Variants in ATF7IP2 observed in about 807,000 individuals in gnomAD.
ATF7IP2 encodes the protein activating transcription factor 7-interacting protein 2.
ATF7IP2 carries 42 observed loss-of-function variants against 64.2 expected under a neutral mutation model. The observed-to-expected ratio is 0.65, with a 90% CI of 0.51 to 0.85. The LOEUF is 0.85. Among genes scored for constraint, ATF7IP2 ranks in the 40% least tolerant of loss-of-function variants. The probability of loss-of-function intolerance (pLI) is 0.00; values close to 1 mark genes in which losing one functional copy is unlikely to be tolerated. For missense variants in ATF7IP2, 933 were observed against 784.2 expected, an observed-to-expected ratio of 1.19 and a Z score of -2.27; for synonymous variants, 308 against 272.8, an observed-to-expected ratio of 1.13 and a Z score of -1.27.
intron 1 of ATF7IP2, among the ~76,000 whole-genome samples, chr16:10,391,062 A>T (rs1441096525): frequency 6.6e-6 from 1 of 151,728 alleles, no homozygotes; most frequent in African/African-American, 2.4e-5. Context: ...GGAGAATGAG[A>T]TGGGAGAATT....
At chr16:10,414,319 AG>A (rs2047827060) in intron 1 of ATF7IP2, among the ~76,000 whole-genome samples, 1 of 151,800 alleles carries the variant, frequency 6.6e-6, no homozygotes, top group Non-Finnish European at 1.5e-5. Context: ...TTAATTAAAA[AG>A]CCTTGTCAAG....
intron 8 of ATF7IP2, among the ~76,000 whole-genome samples, chr16:10,456,069 T>C (rs2049155821): frequency 6.6e-6 from 1 of 152,116 alleles, no homozygotes; most frequent in Non-Finnish European, 1.5e-5. Flanking sequence ...AACATCCGCC[T>C]CCTGGGTTCA....
At chr16:10,420,976 G>C (rs1206323838) in intron 3 of ATF7IP2, among the ~76,000 whole-genome samples, 1 of 152,176 alleles carries the variant, frequency 6.6e-6, no homozygotes. Context: ...AATCCAATTA[G>C]TTAATTTCAA....
At chr16:10,387,773 T>TA (rs1177847537) in intron 1 of ATF7IP2, 1 of 151,924 alleles carries the variant, frequency 6.6e-6, no homozygotes, top group Non-Finnish European at 1.5e-5. Context: ...AGCGAGATGA[T>TA]ACAAAATACC....
At chr16:10,403,684 A>C (rs1376013889) in intron 1 of ATF7IP2, among the ~76,000 whole-genome samples, 1 of 152,236 alleles carries the variant, frequency 6.6e-6, no homozygotes, top group Admixed American at 6.5e-5. Flanking sequence ...ATGCAAGGGA[A>C]ATCTGAAAAC....
intron 1 of ATF7IP2, among the ~76,000 whole-genome samples, chr16:10,400,245 T>A (rs552590007): frequency 1.3e-5 from 2 of 152,294 alleles, no homozygotes; most frequent in African/African-American, 4.8e-5. Flanking sequence ...TTCACCATGT[T>A]GGTCAGGCTG....
chr16:10,415,350 C>G (rs2047850219), intron 2 of ATF7IP2, among the ~76,000 whole-genome samples: 1 of 152,156 alleles, frequency 6.6e-6, no homozygotes, highest in Non-Finnish European at 1.5e-5. Flanking sequence ...TCATGTTTGA[C>G]AAAGATGTCA....
chr16:10,433,696 A>T, intron 6 of ATF7IP2, 47 bp downstream of exon 6: 1 of 1,594,828 alleles, frequency 6.3e-7, no homozygotes, highest in Non-Finnish European at 8.6e-7. Context: ...GATTAGTAAA[A>T]CATGGTAAAA....
At chr16:10,423,156 A>AT (rs1273722549) in intron 3 of ATF7IP2, among the ~76,000 whole-genome samples, 10 of 152,224 alleles carry the variant, frequency 6.6e-5, no homozygotes, top group Non-Finnish European at 1.5e-5. Context: ...AGGCAGGAGA[A>AT]TGGCGTGAGC....
Position 10,464,638 on chromosome 16 carries a change from C to G in ATF7IP2, c.1352+7109C>G, listed in dbSNP as rs376968576. On this transcript the variant is annotated intron_variant, in intron 9 of 13. Coordinates refer to ENST00000562102, the MANE Select transcript of ATF7IP2 (RefSeq NM_001393719.1). ...GGGTCTAAGGCACCCAAGAGTAGAC[C>G]ATTTCACCAATACTGATTGAATAAA... is the stretch of plus-strand genomic sequence containing the variant. Among the ~76,000 whole-genome samples the G allele has an allele frequency of 2.0e-5, 3 of 152,128 alleles. No individual in the cohort carries two copies. In the East Asian group the frequency reaches 5.8e-4, roughly 29 times the overall value.
intron 9 of ATF7IP2, among the ~76,000 whole-genome samples, chr16:10,464,824 CTGT>C (rs1567168904): frequency 1.3e-5 from 2 of 152,114 alleles, no homozygotes; most frequent in African/African-American, 4.8e-5. Context: ...TTTGTTGCTG[CTGT>C]TGTTGATGTT....
intron 2 of ATF7IP2, among the ~76,000 whole-genome samples, chr16:10,416,313 C>T (rs190948948): frequency 2.8e-4 from 43 of 152,262 alleles, no homozygotes; most frequent in African/African-American, 9.6e-4. Context: ...GTGGATGGCT[C>T]TAGAGGTCAT....
chr16:10,402,694 G>C (rs1234220444), intron 1 of ATF7IP2, among the ~76,000 whole-genome samples: 4 of 152,076 alleles, frequency 2.6e-5, no homozygotes, highest in Admixed American at 2.0e-4. Context: ...AAACTCCTGA[G>C]CTCAAGTGAT....
At chr16:10,425,870 G>T (rs1261220791) in intron 3 of ATF7IP2, among the ~76,000 whole-genome samples, 1 of 151,378 alleles carries the variant, frequency 6.6e-6, no homozygotes, top group Non-Finnish European at 1.5e-5. Context: ...CCCAGCCTGG[G>T]CAACAAGAGT....
At position 10,414,805 on chromosome 16, in the gene ATF7IP2, C is replaced by T. The variant is rs545777854; in HGVS notation, c.-203+193C>T. On this transcript the variant is annotated intron_variant, in intron 2 of 13. Coordinates refer to ENST00000562102, the MANE Select transcript of ATF7IP2 (RefSeq NM_001393719.1). Reference sequence around the variant, plus strand: ...CTGTTGTTCAGATTCTTTTGTCCCACGGGATGTTCCCTTGATGCAGTACTC... The same window carrying T: ...CTGTTGTTCAGATTCTTTTGTCCCATGGGATGTTCCCTTGATGCAGTACTC... Among the ~76,000 whole-genome samples, 8 of 152,150 alleles carry T rather than the reference C, an allele frequency of 5.3e-5. No homozygotes were observed. In the South Asian group the frequency reaches 6.2e-4, roughly 12 times the overall value.
rs1186706682 is a variant in ATF7IP2, at chr16:10,431,413, G to T, written c.793G>T (p.Ala265Ser). The T allele has an allele frequency of 1.2e-6, 2 of 1,610,382 alleles. No individual in the cohort carries two copies. Among genetic ancestry groups the T allele is most frequent in the Admixed American group, 3.3e-5 (2 of 59,874 alleles). Reference sequence around the variant, plus strand: ...AACCAGTATTTCAAATTGTGAAAGTGCAGACTCAACATGGCAGTCATCACT... The same window carrying T: ...AACCAGTATTTCAAATTGTGAAAGTTCAGACTCAACATGGCAGTCATCACT... ...SRTSISNCES[A>S]DSTWQSSLDT... The change falls in exon 5 of 14, where the codon GCA becomes TCA. Residue 265 changes from alanine to serine, a missense_variant. Coordinates refer to ENST00000562102, the MANE Select transcript of ATF7IP2 (RefSeq NM_001393719.1).
Position 10,393,346 on chromosome 16 carries a change from A to G in ATF7IP2, c.-242+7224A>G, listed in dbSNP as rs547975369. 1.3e-4 allele frequency among the ~76,000 whole-genome samples: 20 copies of G among 148,178 alleles called. No individual in the cohort carries two copies. In the South Asian group the frequency reaches 4.4e-3, roughly 32 times the overall value. ...AAAAAAAAAAAAAAAAAAAAAAGAC[A>G]CCATTGGAAAAATCCTATGGCAGTA... On this transcript the variant is annotated intron_variant, in intron 1 of 13. Coordinates refer to ENST00000562102, the MANE Select transcript of ATF7IP2 (RefSeq NM_001393719.1).
intron 8 of ATF7IP2, chr16:10,454,141 T>C (rs1180996463): frequency 6.6e-6 from 1 of 151,810 alleles, no homozygotes; most frequent in African/African-American, 2.4e-5. Context: ...CTGGGCGCGG[T>C]GGCTCACACC....
chr16:10,410,174 T>C (rs2047725735), intron 1 of ATF7IP2, among the ~76,000 whole-genome samples: 1 of 152,222 alleles, frequency 6.6e-6, no homozygotes, highest in African/African-American at 2.4e-5. Flanking sequence ...GTGTGGTCAT[T>C]TTCACAGTAT....
Sources: allele counts gnomAD v4.1 joint callset (sites outside exome capture counted in the v4.1 genomes callset), GRCh38; gene constraint gnomAD v4.1.1; transcripts MANE v1.5; gene names NCBI Gene and HGNC (gene_info 2026-07-23, HGNC 2026-07-21).